The following ALLC variants were observed in gnomAD, a reference collection of about 807,000 sequenced individuals.
ALLC encodes probable inactive allantoicase.
Under a neutral mutation model 45.0 loss-of-function variants are expected in ALLC, and 40 were observed. That is an observed-to-expected ratio of 0.89 (90% CI 0.69 to 1.16). The LOEUF is 1.16. ALLC is among the 50% of genes most tolerant of loss of function. The pLI, the probability that ALLC is intolerant of heterozygous loss-of-function variation, is 0.00. For missense variants in ALLC, 488 were observed against 493.1 expected, an observed-to-expected ratio of 0.99 and a Z score of 0.10; for synonymous variants, 176 against 178.1, an observed-to-expected ratio of 0.99 and a Z score of 0.09.
intron 8 of ALLC, 109 bp from the exon 9 acceptor site, chr2:3,696,164 CTT>C: frequency 2.3e-6 from 2 of 874,354 alleles, no homozygotes; most frequent in South Asian, 1.8e-5. Flanking sequence ...ATGAAAATAA[CTT>C]ATGTAGCAAT....
chr2:3,679,069 T>C (rs1353257325), intron 4 of ALLC, among the ~76,000 whole-genome samples: 1 of 152,228 alleles, frequency 6.6e-6, no homozygotes, highest in Non-Finnish European at 1.5e-5. Context: ...TTACTCAGTC[T>C]CAATCAAAAT....
At chr2:3,648,591 C>G in the ALLC span, among the ~76,000 whole-genome samples, 2 of 152,206 alleles carry the variant, frequency 1.3e-5, no homozygotes, top group African/African-American at 4.8e-5. Context: ...CTTCCATGTG[C>G]GGACTCCTGG....
the ALLC span, among the ~76,000 whole-genome samples, chr2:3,652,516 G>A: frequency 2.0e-5 from 3 of 150,722 alleles, no homozygotes; most frequent in South Asian, 2.1e-4. Flanking sequence ...TAAGGATGGA[G>A]ATATCCCAAA....
At chr2:3,682,883 G>A in intron 6 of ALLC, 59 bp from the exon 7 acceptor site, 2 of 1,578,624 alleles carry the variant, frequency 1.3e-6, no homozygotes, top group Non-Finnish European at 1.7e-6. Context: ...AGAGGCAATA[G>A]GATGACAGAA....
At chr2:3,649,583 A>G in the ALLC span, among the ~76,000 whole-genome samples, 3 of 152,258 alleles carry the variant, frequency 2.0e-5, no homozygotes, top group African/African-American at 7.2e-5. Flanking sequence ...AATGTGGTTT[A>G]CACATACATT....
chr2:3,651,323 GT>G, the ALLC span, among the ~76,000 whole-genome samples: 494 of 7,328 alleles, frequency 0.067, 132 homozygotes, highest in African/African-American at 0.31. Context: ...TGGGGGGGGT[GT>G]GTGTGTGTGT....
chr2:3,681,573 G>C lies in ALLC; in HGVS notation c.299-61G>C, dbSNP rs17017887. On this transcript the variant is annotated intron_variant, in intron 5 of 11. Transcript: ENST00000252505. ...AGAATTACCATACAAACCACCAAGAGAGTAGATTCCCTTTGATTTTGAACC... is the reference window on the plus strand; with the variant it reads ...AGAATTACCATACAAACCACCAAGACAGTAGATTCCCTTTGATTTTGAACC... 3,495 of 1,213,866 alleles carry C rather than the reference G, an allele frequency of 2.9e-3. 61 individuals carry two copies. The African/African-American group carries it at 0.043, about 15-fold the overall frequency. The allele number at this position is 1,213,866 out of a possible 1,614,324, so 75.2% of individuals were successfully genotyped here.
At position 3,688,432 on chromosome 2, in the gene ALLC, G is replaced by A. The variant is rs552039528; in HGVS notation, c.511+5358G>A. 6 of 176,766 alleles carry A rather than the reference G, an allele frequency of 3.4e-5. No individual in the cohort carries two copies. In the South Asian group the frequency reaches 4.2e-4, roughly 12 times the overall value. 10.9% of individuals were successfully genotyped at this position (176,766 alleles called of 1,614,324 possible). On this transcript the variant is annotated intron_variant, in intron 7 of 11. Coordinates refer to ENST00000252505, the MANE Select transcript of ALLC (RefSeq NM_018436.4). Reference sequence around the variant, plus strand: ...CCAAGAAGGGGCACCCATGGTCTTCGGAGTGGTAGTGATTGCATAGGCTGT... The same window carrying A: ...CCAAGAAGGGGCACCCATGGTCTTCAGAGTGGTAGTGATTGCATAGGCTGT...
chr2:3,698,564 A>C (rs1396019885), intron 10 of ALLC, among the ~76,000 whole-genome samples: 1 of 152,242 alleles, frequency 6.6e-6, no homozygotes, highest in Non-Finnish European at 1.5e-5. Flanking sequence ...TTGGACAAAC[A>C]ACCTTGATAT....
chr2:3,692,886 C>A (rs12623758), intron 7 of ALLC, among the ~76,000 whole-genome samples: 1 of 151,998 alleles, frequency 6.6e-6, no homozygotes, highest in Non-Finnish European at 1.5e-5. Context: ...TGAGTCAGGG[C>A]TGGGTCAAAT....
At chr2:3,686,865 A>T (rs1667345535) in intron 7 of ALLC, among the ~76,000 whole-genome samples, 1 of 151,058 alleles carries the variant, frequency 6.6e-6, no homozygotes, top group Non-Finnish European at 1.5e-5. Context: ...TTCTAAGTAT[A>T]AGATCATATT....
intron 1 of ALLC, 22 bp from the exon 2 acceptor site, chr2:3,671,074 C>A: frequency 6.7e-7 from 1 of 1,496,676 alleles, no homozygotes; most frequent in Non-Finnish European, 9.1e-7. Flanking sequence ...CAAGGTTGAC[C>A]GAGCTGCCCT....
At position 3,667,153 on chromosome 2, in the gene ALLC, C is replaced by G. The variant is rs1666745609; in HGVS notation, c.-62-3943C>G. Among the ~76,000 whole-genome samples the G allele has an allele frequency of 2.0e-5, 3 of 152,194 alleles. No individual in the cohort carries two copies. The South Asian group carries it at 6.2e-4, about 32-fold the overall frequency. ...TGGTTGTCTGTCCTTCCCTATACCA[C>G]CCAGCCTGGCATCCACCCCTAAAGG... On this transcript the variant is annotated intron_variant, in intron 1 of 11. Transcript: ENST00000252505.
At chr2:3,660,810 G>C (rs1395874014) in intron 1 of ALLC, among the ~76,000 whole-genome samples, 26 of 151,876 alleles carry the variant, frequency 1.7e-4, no homozygotes, top group Admixed American at 6.6e-5. Context: ...GAGTCAGGGT[G>C]GGGCAGGAAA....
chr2:3,666,442 G>A (rs568080049), intron 1 of ALLC, among the ~76,000 whole-genome samples: 149 of 152,348 alleles, frequency 9.8e-4, no homozygotes, highest in African/African-American at 3.4e-3. Flanking sequence ...GTGTGTGCAG[G>A]GGGAGCCCGT....
chr2:3,669,080 T>C (rs1190150662), intron 1 of ALLC, among the ~76,000 whole-genome samples: 2 of 151,988 alleles, frequency 1.3e-5, no homozygotes, highest in Non-Finnish European at 2.9e-5. Flanking sequence ...CTCACACATG[T>C]AATCCCAGCA....
chr2:3,698,207 C>G (rs190074071), intron 10 of ALLC, among the ~76,000 whole-genome samples: 1 of 152,158 alleles, frequency 6.6e-6, no homozygotes, highest in African/African-American at 2.4e-5. Flanking sequence ...TCAGGTGATA[C>G]GCCCGTCTCG....
chr2:3,676,821 T>C (rs1667035924), intron 3 of ALLC, among the ~76,000 whole-genome samples: 2 of 152,002 alleles, frequency 1.3e-5, no homozygotes. Flanking sequence ...AGAGTCTCAC[T>C]CTGTTGCCCA....
chr2:3,668,461 G>GGAT (rs1273037684), intron 1 of ALLC, among the ~76,000 whole-genome samples: 1 of 151,958 alleles, frequency 6.6e-6, no homozygotes, highest in Admixed American at 6.6e-5. Context: ...GACAGGCAGG[G>GGAT]ACACATGTGT....
Sources: allele counts gnomAD v4.1 joint callset (sites outside exome capture counted in the v4.1 genomes callset), GRCh38; gene constraint gnomAD v4.1.1; transcripts MANE v1.5; gene names NCBI Gene and HGNC (gene_info 2026-07-23, HGNC 2026-07-21).